The following KLHL29 variants were observed in gnomAD, a reference collection of about 807,000 sequenced individuals.
The protein encoded by KLHL29 is kelch like family member 29.
KLHL29 carries 21 observed loss-of-function variants against 80.4 expected under a neutral mutation model. That is an observed-to-expected ratio of 0.26 (90% confidence interval 0.19 to 0.38). The LOEUF is 0.38. Among genes scored for constraint, KLHL29 ranks in the 10% least tolerant of loss-of-function variants. The pLI is 1.00. For synonymous variants in KLHL29, 511 were observed against 526.8 expected (o/e 0.97, Z 0.41); for missense variants, 867 against 1,223.9 (o/e 0.71, Z 4.35).
intron 5 of KLHL29, among the ~76,000 whole-genome samples, chr2:23,656,646 G>C (rs1414357943): frequency 6.6e-6 from 1 of 152,228 alleles, no homozygotes; most frequent in Non-Finnish European, 1.5e-5. Context: ...TGTCCGGTCT[G>C]TCTGTGATGC....
At chr2:23,599,991 C>T (rs976660537) in intron 3 of KLHL29, among the ~76,000 whole-genome samples, 2 of 152,110 alleles carry the variant, frequency 1.3e-5, no homozygotes, top group East Asian at 3.9e-4. Context: ...TGCATACACA[C>T]GTGCAGGAGA....
intron 1 of KLHL29, among the ~76,000 whole-genome samples, chr2:23,430,915 C>A (rs755029025): frequency 1.3e-5 from 2 of 152,224 alleles, no homozygotes; most frequent in East Asian, 1.9e-4. Flanking sequence ...TGAATTAATT[C>A]TTGACAAACA....
intron 13 of KLHL29, 21 bp from the exon 14 acceptor site, chr2:23,706,459 TG>T: frequency 6.9e-7 from 1 of 1,440,814 alleles, no homozygotes. Context: ...TGCCTAACTC[TG>T]TCCCCGCTTT....
At chr2:23,491,919 G>A (rs1665114791) in intron 2 of KLHL29, among the ~76,000 whole-genome samples, 1 of 152,168 alleles carries the variant, frequency 6.6e-6, no homozygotes, top group African/African-American at 2.4e-5. Context: ...CAGGCTGTCA[G>A]CTCTGCCTCC....
At chr2:23,654,571 T>C (rs1050192247) in intron 5 of KLHL29, among the ~76,000 whole-genome samples, 1 of 152,040 alleles carries the variant, frequency 6.6e-6, no homozygotes, top group Non-Finnish European at 1.5e-5. Flanking sequence ...GTAGTAATGG[T>C]GCCGCCTGAG....
chr2:23,548,846 C>T (rs971676435), intron 2 of KLHL29, among the ~76,000 whole-genome samples: 5 of 152,188 alleles, frequency 3.3e-5, no homozygotes, highest in Non-Finnish European at 7.3e-5. Context: ...ATTGAGTCTT[C>T]CGGGGGCTAT....
At chr2:23,630,907 C>T (rs1336278138) in intron 3 of KLHL29, among the ~76,000 whole-genome samples, 2 of 152,232 alleles carry the variant, frequency 1.3e-5, no homozygotes, top group Non-Finnish European at 2.9e-5. Context: ...GTGGAGGAGG[C>T]TGTTAGGACA....
rs1164400760 is a variant in KLHL29, at chr2:23,669,498, C to A, written c.941-14901C>A. 4.6e-5 allele frequency: 7 copies of A among 152,324 alleles called. No homozygotes were observed. Among genetic ancestry groups the A allele is most frequent in the Admixed American group, 4.6e-4 (7 of 15,290 alleles). The allele number at this position is 152,324 out of a possible 1,614,324, so 9.4% of individuals were successfully genotyped here. ...TAGATAACTGTACATGCAGAGAAGACTCCCTAGGGCAGAAAGCCAGATTGT... is the reference window on the plus strand; with the variant it reads ...TAGATAACTGTACATGCAGAGAAGAATCCCTAGGGCAGAAAGCCAGATTGT... On this transcript the variant is annotated intron_variant, in intron 5 of 13. Transcript: ENST00000486442. This position sits in a 1 kb window ranked among gnomAD's most constrained non-coding sequence, Gnocchi z 4.3.
At chr2:23,389,270 T>C (rs768454393) in intron 1 of KLHL29, among the ~76,000 whole-genome samples, 4 of 152,186 alleles carry the variant, frequency 2.6e-5, no homozygotes, top group Non-Finnish European at 5.9e-5. Flanking sequence ...ATGATTTTGC[T>C]CACCCACTTT....
intron 2 of KLHL29, among the ~76,000 whole-genome samples, chr2:23,512,235 C>T (rs1665793980): frequency 1.3e-5 from 2 of 152,088 alleles, no homozygotes; most frequent in South Asian, 4.2e-4. Context: ...CACCTGAGGT[C>T]GGGAGTTCAA....
rs754038785 is a variant in KLHL29 at position 23,696,069 on chromosome 2, G to T, written c.1860G>T (p.Ser620=). The T allele has an allele frequency of 4.5e-6, 7 of 1,551,804 alleles. No individual in the cohort carries two copies. Among genetic ancestry groups the T allele is most frequent in the South Asian group, 2.4e-5 (2 of 84,064 alleles). ...PQNNKWYPLA[S]LPFYDREFFS... Reference sequence around the variant, plus strand: ...ACAACAAGTGGTACCCCTTGGCCTCGCTGCCCTTCTATGACCGCGAGTTCT... The same window carrying T: ...ACAACAAGTGGTACCCCTTGGCCTCTCTGCCCTTCTATGACCGCGAGTTCT... The change falls in exon 10 of 14, where the codon TCG becomes TCT. Residue 620 remains serine (S), a synonymous_variant. Transcript: ENST00000486442. This position sits in a 1 kb window ranked among gnomAD's most constrained non-coding sequence, Gnocchi z 5.5.
At chr2:23,494,301 T>C (rs557056628) in intron 2 of KLHL29, among the ~76,000 whole-genome samples, 1 of 152,334 alleles carries the variant, frequency 6.6e-6, no homozygotes, top group Non-Finnish European at 1.5e-5. Flanking sequence ...TGAATGTCTT[T>C]TGAAAAGCTC....
At chr2:23,520,995 C>CG (rs1553334441) in intron 2 of KLHL29, among the ~76,000 whole-genome samples, 1 of 90,692 alleles carries the variant, frequency 1.1e-5, no homozygotes, top group African/African-American at 3.3e-5. Context: ...AAAGACCACC[C>CG]CCCCCCCCGC....
chr2:23,633,720 C>G (rs189652696), intron 3 of KLHL29, among the ~76,000 whole-genome samples: 6 of 134,420 alleles, frequency 4.5e-5, no homozygotes, highest in African/African-American at 1.7e-4. Context: ...GGCATAGTGT[C>G]GCATCTGACA....
chr2:23,582,052 G>A (rs1013159049), intron 3 of KLHL29, among the ~76,000 whole-genome samples: 6 of 152,034 alleles, frequency 3.9e-5, no homozygotes, highest in African/African-American at 9.7e-5. Context: ...CAGATACCAC[G>A]CCAGGGTCTA....
At chr2:23,653,482 A>C (rs1231830498) in intron 5 of KLHL29, among the ~76,000 whole-genome samples, 1 of 152,186 alleles carries the variant, frequency 6.6e-6, no homozygotes, top group Non-Finnish European at 1.5e-5. Flanking sequence ...CTGGGATCAG[A>C]GCAGCACATC....
rs567166400 is a variant in KLHL29 at position 23,415,241 on chromosome 2, A to G, written c.-154+29461A>G. 2.1e-4 allele frequency among the ~76,000 whole-genome samples: 32 copies of G among 152,344 alleles called. No homozygotes were observed. In the South Asian group the frequency reaches 6.6e-3, roughly 32 times the overall value. ...AGTGAATTTGCCATTTTCAGCTTCT[A>G]TAATGCAAGACGGGCTTAGCTTCCA... is the stretch of plus-strand genomic sequence containing the variant. On this transcript the variant is annotated intron_variant, in intron 1 of 13. Coordinates refer to ENST00000486442, the MANE Select transcript of KLHL29 (RefSeq NM_052920.2).
At chr2:23,545,685 G>A (rs1488155241) in intron 2 of KLHL29, among the ~76,000 whole-genome samples, 1 of 152,192 alleles carries the variant, frequency 6.6e-6, no homozygotes, top group African/African-American at 2.4e-5. Flanking sequence ...ATTAGGCCCC[G>A]GCTACACTGC....
intron 1 of KLHL29, among the ~76,000 whole-genome samples, chr2:23,420,935 TC>T (rs1258240341): frequency 6.6e-6 from 1 of 151,690 alleles, no homozygotes. Flanking sequence ...GGCTGCCTCC[TC>T]CTCCTCCTTT....
Sources: allele counts gnomAD v4.1 joint callset (sites outside exome capture counted in the v4.1 genomes callset), GRCh38; gene constraint gnomAD v4.1.1; non-coding constraint Gnocchi (gnomAD v3.1); transcripts MANE v1.5; gene names NCBI Gene and HGNC (gene_info 2026-07-23, HGNC 2026-07-21).